Variants in LRTM3 observed in about 807,000 individuals in gnomAD.
LRTM3 encodes leucine-rich repeat transmembrane protein 3.
the LRTM3 span, chr13:102,749,242 G>T: frequency 6.4e-7 from 1 of 1,550,564 alleles, no homozygotes; most frequent in Middle Eastern, 1.7e-4. Context: ...GACTGAGTTT[G>T]CTTTTACTGT....
chr13:102,733,961 C>A, the LRTM3 span: 5 of 1,551,324 alleles, frequency 3.2e-6, no homozygotes, highest in Non-Finnish European at 4.4e-6. Flanking sequence ...ACAAGATGAT[C>A]CTGTAATTCC....
the LRTM3 span, chr13:102,750,397 T>A: frequency 2.2e-5 from 31 of 1,412,506 alleles, no homozygotes; most frequent in Admixed American, 7.2e-4. Context: ...CTCTGAAATA[T>A]AAGAAAACAG....
chr13:102,733,234 G>A, the LRTM3 span: 5 of 1,551,314 alleles, frequency 3.2e-6, no homozygotes. Context: ...TATTTTGGGG[G>A]GCATTCCAGT....
At chr13:102,743,444 T>C in the LRTM3 span, 1 of 1,550,536 alleles carries the variant, frequency 6.4e-7, no homozygotes, top group East Asian at 2.4e-5. Context: ...TTCAAGTTTC[T>C]TCCTATGTTT....
the LRTM3 span, chr13:102,743,482 T>A: frequency 6.5e-7 from 1 of 1,548,938 alleles, no homozygotes; most frequent in Non-Finnish European, 8.7e-7. Flanking sequence ...TGATTTTATG[T>A]ATCTGTGAAA....
At chr13:102,755,503 C>T in the LRTM3 span, among the ~76,000 whole-genome samples, 79 of 152,222 alleles carry the variant, frequency 5.2e-4, no homozygotes, top group South Asian at 2.1e-3. Context: ...TTTGCAGGGA[C>T]ATGGATGAAG....
the LRTM3 span, chr13:102,741,118 T>C: frequency 1.9e-6 from 3 of 1,549,768 alleles, no homozygotes; most frequent in Non-Finnish European, 2.6e-6. Context: ...GGAGAACAGA[T>C]TCCAGAATAT....
chr13:102,747,953 T>C, the LRTM3 span: 2 of 1,551,268 alleles, frequency 1.3e-6, no homozygotes, highest in Non-Finnish European at 8.7e-7. Context: ...TGAATTTGCC[T>C]CTTTCTCCTG....
chr13:102,729,395 A>G, the LRTM3 span: 1 of 1,290,648 alleles, frequency 7.7e-7, no homozygotes, highest in South Asian at 2.5e-5. Flanking sequence ...TATTTTTCAC[A>G]GAATATCACA....
chr13:102,737,121 G>A, the LRTM3 span: 1 of 1,550,892 alleles, frequency 6.4e-7, no homozygotes, highest in Non-Finnish European at 8.7e-7. Context: ...AGTGATAATT[G>A]CTCTGCCTCA....
At chr13:102,744,186 T>C in the LRTM3 span, 1 of 1,550,610 alleles carries the variant, frequency 6.4e-7, no homozygotes, top group African/African-American at 1.4e-5. Context: ...CTTATGATAT[T>C]AAACAACTGC....
the LRTM3 span, chr13:102,738,077 T>A: frequency 6.4e-7 from 1 of 1,551,096 alleles, no homozygotes; most frequent in South Asian, 1.2e-5. Context: ...ACCTTCTCTG[T>A]CCTCTTTCCC....
the LRTM3 span, chr13:102,733,312 T>C: frequency 6.4e-7 from 1 of 1,551,416 alleles, no homozygotes; most frequent in Non-Finnish European, 8.7e-7. Flanking sequence ...GAGAAAACAT[T>C]TTGCTGATTC....
At chr13:102,738,859 G>T in the LRTM3 span, 1 of 1,550,382 alleles carries the variant, frequency 6.5e-7, no homozygotes. Context: ...CTAATTCTTG[G>T]AATATTGAAG....
chr13:102,732,944 G>A, the LRTM3 span: 12 of 1,551,396 alleles, frequency 7.7e-6, no homozygotes, highest in Admixed American at 5.9e-5. Context: ...TAGGGACTTC[G>A]GAAGAAATTC....
chr13:102,741,739 T>G, the LRTM3 span: 1 of 1,550,398 alleles, frequency 6.4e-7, no homozygotes, highest in Non-Finnish European at 8.7e-7. Flanking sequence ...TCGATCCTTC[T>G]CTCTCCCACG....
At chr13:102,729,444 GGT>G in the LRTM3 span, 1 of 1,448,118 alleles carries the variant, frequency 6.9e-7, no homozygotes, top group Non-Finnish European at 9.1e-7. Context: ...GTTTAGCTAT[GGT>G]AATGTCAGCT....
chr13:102,731,791 C>T, the LRTM3 span: 2 of 1,550,738 alleles, frequency 1.3e-6, no homozygotes, highest in Non-Finnish European at 1.7e-6. Flanking sequence ...TTTGTGTGGT[C>T]ATGTCCCATA....
chr13:102,745,967 T>A, the LRTM3 span: 1 of 1,551,222 alleles, frequency 6.4e-7, no homozygotes, highest in Non-Finnish European at 8.7e-7. Flanking sequence ...ATCCTTCTGA[T>A]ATGCATTGAG....
Sources: allele counts gnomAD v4.1 joint callset (sites outside exome capture counted in the v4.1 genomes callset), GRCh38; gene constraint gnomAD v4.1.1; transcripts MANE v1.5; gene names NCBI Gene and HGNC (gene_info 2026-07-23, HGNC 2026-07-21).